Variants in FOXP1 observed in about 807,000 individuals in gnomAD.
FOXP1 encodes forkhead box protein P1.
FOXP1 carries 15 observed loss-of-function variants against 98.2 expected under a neutral mutation model. The ratio of observed to expected loss-of-function variants is 0.15; its 90% CI spans 0.10 to 0.24. The LOEUF (loss-of-function observed/expected upper bound fraction) is 0.24, where lower values mean the gene tolerates loss of function less well. Among genes scored for constraint, FOXP1 ranks in the 10% least tolerant of loss-of-function variants. FOXP1 has a pLI of 1.00. For missense variants in FOXP1, 633 were observed against 848.5 expected (o/e 0.75, Z 3.15); for synonymous variants, 371 against 314.5 (o/e 1.18, Z -1.90).
chr3:70,989,968 T>C (rs1264958605), intron 13 of FOXP1, among the ~76,000 whole-genome samples: 2 of 152,332 alleles, frequency 1.3e-5, no homozygotes, highest in African/African-American at 4.8e-5. Context: ...CAACACTACA[T>C]TGCAAACACA....
intron 5 of FOXP1, among the ~76,000 whole-genome samples, chr3:71,245,978 G>A (rs2067706276): frequency 7.0e-6 from 1 of 143,042 alleles, no homozygotes; most frequent in African/African-American, 2.7e-5. Flanking sequence ...TTCTTGCCAT[G>A]ATCACTTAGT....
At chr3:71,034,470 C>T (rs2047317067) in intron 11 of FOXP1, among the ~76,000 whole-genome samples, 1 of 152,156 alleles carries the variant, frequency 6.6e-6, no homozygotes, top group African/African-American at 2.4e-5. Flanking sequence ...TGGGCCCCAG[C>T]TGCACCCTCT....
intron 11 of FOXP1, among the ~76,000 whole-genome samples, chr3:71,041,107 A>T (rs1282140329): frequency 6.6e-6 from 1 of 152,146 alleles, no homozygotes; most frequent in Admixed American, 6.5e-5. Context: ...CCGGGTTCCT[A>T]AGCTGAGAGT....
At chr3:71,007,988 C>T (rs1041834413) in intron 12 of FOXP1, among the ~76,000 whole-genome samples, 6 of 151,988 alleles carry the variant, frequency 3.9e-5, no homozygotes, top group Non-Finnish European at 1.5e-5. Context: ...TTGTTTTGTT[C>T]TGCATGAAGT....
At chr3:71,083,213 CCT>C (rs1283403516) in intron 7 of FOXP1, among the ~76,000 whole-genome samples, 5 of 152,072 alleles carry the variant, frequency 3.3e-5, no homozygotes, top group Non-Finnish European at 7.4e-5. Context: ...AGTGAGTTCC[CCT>C]GAGATCTGGT....
intron 3 of FOXP1, among the ~76,000 whole-genome samples, chr3:71,421,550 G>A (rs1264342073): frequency 6.6e-6 from 1 of 152,076 alleles, no homozygotes; most frequent in Non-Finnish European, 1.5e-5. Context: ...CATCTCCCCA[G>A]CGTAGGACAA....
At chr3:70,997,247 C>A (rs886444253) in intron 13 of FOXP1, among the ~76,000 whole-genome samples, 1 of 152,170 alleles carries the variant, frequency 6.6e-6, no homozygotes, top group African/African-American at 2.4e-5. Flanking sequence ...GCTGGAGGGA[C>A]CTGATTGCCC....
At chr3:71,454,067 C>A (rs1053751953) in intron 3 of FOXP1, among the ~76,000 whole-genome samples, 1 of 152,150 alleles carries the variant, frequency 6.6e-6, no homozygotes, top group Non-Finnish European at 1.5e-5. Context: ...AAATCCTGAG[C>A]TAGATTGTTA....
chr3:71,107,571 AG>A (rs2057542730), intron 7 of FOXP1, among the ~76,000 whole-genome samples: 1 of 152,172 alleles, frequency 6.6e-6, no homozygotes, highest in African/African-American at 2.4e-5. Flanking sequence ...TTAAAATGCT[AG>A]GGGTGCCAAT....
chr3:71,456,492 T>C (rs2087519800), intron 3 of FOXP1, among the ~76,000 whole-genome samples: 1 of 152,182 alleles, frequency 6.6e-6, no homozygotes. Context: ...AACCGAAATT[T>C]GTTTTACATG....
At chr3:71,025,674 GA>G (rs1194760857) in intron 11 of FOXP1, among the ~76,000 whole-genome samples, 1 of 152,154 alleles carries the variant, frequency 6.6e-6, no homozygotes, top group Non-Finnish European at 1.5e-5. Flanking sequence ...TTAGCACAGG[GA>G]AAAGGTCACT....
intron 6 of FOXP1, among the ~76,000 whole-genome samples, chr3:71,138,711 C>G (rs906215951): frequency 6.6e-6 from 1 of 152,200 alleles, no homozygotes; most frequent in African/African-American, 2.4e-5. Flanking sequence ...AGTGAGGGAA[C>G]AGTAAATGAC....
At chr3:70,974,337 T>TA (rs1411999183) in intron 17 of FOXP1, among the ~76,000 whole-genome samples, 1 of 152,198 alleles carries the variant, frequency 6.6e-6, no homozygotes, top group African/African-American at 2.4e-5. Flanking sequence ...CTTGCTCTGT[T>TA]GCCTGACTGC....
At chr3:71,398,522 T>C (rs1477264892) in intron 3 of FOXP1, among the ~76,000 whole-genome samples, 3 of 152,178 alleles carry the variant, frequency 2.0e-5, no homozygotes, top group African/African-American at 7.2e-5. Flanking sequence ...AACATAAAAT[T>C]TGTACACAAC....
At chr3:71,524,105 C>T (rs2043189085) in intron 2 of FOXP1, among the ~76,000 whole-genome samples, 1 of 152,170 alleles carries the variant, frequency 6.6e-6, no homozygotes, top group African/African-American at 2.4e-5. Context: ...TTCCAGAAGG[C>T]ACAGCAAACA....
chr3:71,198,342 A>C lies in FOXP1; in HGVS notation c.40T>G (p.Ser14Ala), dbSNP rs1272223678. The change falls in exon 6 of 21, where the codon TCA becomes GCA. Residue 14 changes from serine (S) to alanine (A), a missense_variant. Physicochemically the swap from Ser to Ala is moderately conservative, Grantham distance 99. This residue lies in a region of FOXP1 where 103 missense variants were observed against 85.5 expected (regional missense o/e 1.20). Coordinates refer to ENST00000649528, the MANE Select transcript of FOXP1 (RefSeq NM_001349338.3). The stretch of plus-strand genomic sequence containing the variant: ...CCGCCCGACCCATTCTGGATGGCTG[A>C]ACCGTTACTTTTTGTCTCAGTCCCA... ...ESGTETKSNG[S>A]AIQNGSGGSN... 6.2e-7 allele frequency: 1 copy of C among 1,605,414 alleles called. No homozygotes were observed. Among genetic ancestry groups the C allele is most frequent in the Non-Finnish European group, 8.5e-7 (1 of 1,175,654 alleles).
intron 18 of FOXP1, chr3:70,972,201 A>G: frequency 6.6e-7 from 1 of 1,509,210 alleles, no homozygotes. Context: ...AGCAGCAGCA[A>G]AGGAGATGGA....
chr3:71,580,821 A>G lies in FOXP1; in HGVS notation c.-298+728T>C, dbSNP rs890408336. 1.5e-5 allele frequency: 15 copies of G among 985,276 alleles called. No individual in the cohort carries two copies. In the African/African-American group the frequency reaches 1.7e-4, roughly 11 times the overall value. The allele number at this position is 985,276 out of a possible 1,614,324, so 61.0% of individuals were successfully genotyped here. On this transcript the variant is annotated intron_variant, in intron 2 of 20. Coordinates refer to ENST00000649528, the MANE Select transcript of FOXP1 (RefSeq NM_001349338.3). ...AAACCCTTAAGTCTACGTACAACCA[A>G]TGGTGAAGTGTAGACGGTTTGAATG...
chr3:71,066,062 T>C (rs2052447755), intron 7 of FOXP1, among the ~76,000 whole-genome samples: 1 of 138,706 alleles, frequency 7.2e-6, no homozygotes, highest in Non-Finnish European at 1.5e-5. Context: ...AAAGGAGTAG[T>C]GTGACATCAA....
Sources: allele counts gnomAD v4.1 joint callset (sites outside exome capture counted in the v4.1 genomes callset), GRCh38; gene constraint gnomAD v4.1.1; regional missense constraint gnomAD v4.1.1; transcripts MANE v1.5; gene names NCBI Gene and HGNC (gene_info 2026-07-23, HGNC 2026-07-21).